Variants in ASTN2 observed in about 807,000 individuals in gnomAD.
ASTN2 encodes astrotactin 2.
A neutral mutation model predicts 139.8 loss-of-function variants in ASTN2; 54 were observed. The ratio of observed to expected loss-of-function variants is 0.39; its 90% CI spans 0.31 to 0.48. ASTN2 has a LOEUF of 0.48. ASTN2 is among the 20% of genes least tolerant of loss of function. ASTN2 has a pLI of 0.95. For synonymous variants in ASTN2, 756 were observed against 719.5 expected (o/e 1.05, Z -0.81); for missense variants, 1,565 against 1,725.1 (o/e 0.91, Z 1.64).
chr9:116,959,870 T>C (rs1477537711), intron 10 of ASTN2, among the ~76,000 whole-genome samples: 1 of 152,056 alleles, frequency 6.6e-6, no homozygotes, highest in Non-Finnish European at 1.5e-5. Flanking sequence ...TTCCGGAGAA[T>C]ACATCCTTTC....
intron 19 of ASTN2, among the ~76,000 whole-genome samples, chr9:116,513,638 T>A (rs541181604): frequency 1.1e-4 from 17 of 152,304 alleles, no homozygotes; most frequent in South Asian, 2.1e-4. Flanking sequence ...CAGGTACACC[T>A]ATCAGACGTA....
intron 3 of ASTN2, among the ~76,000 whole-genome samples, chr9:117,174,057 G>T (rs994472315): frequency 6.6e-6 from 1 of 151,224 alleles, no homozygotes; most frequent in African/African-American, 2.4e-5. Context: ...AAAATCTCTG[G>T]AATTAAAATG....
chr9:117,079,363 TGAGA>T (rs1354684348), intron 5 of ASTN2, among the ~76,000 whole-genome samples: 5 of 151,228 alleles, frequency 3.3e-5, no homozygotes, highest in Non-Finnish European at 7.4e-5. Context: ...CGAGAGAGAG[TGAGA>T]GAGAGACAGG....
chr9:116,979,555 A>G (rs1753904138), intron 7 of ASTN2, among the ~76,000 whole-genome samples: 1 of 152,166 alleles, frequency 6.6e-6, no homozygotes, highest in Non-Finnish European at 1.5e-5. Flanking sequence ...TTAAAATGCA[A>G]CAGTCCCTTC....
At chr9:116,726,789 C>T (rs532179012) in intron 15 of ASTN2, among the ~76,000 whole-genome samples, 2 of 152,232 alleles carry the variant, frequency 1.3e-5, no homozygotes, top group African/African-American at 4.8e-5. Context: ...TCTCCTTCCT[C>T]AAACAGGCAC....
chr9:117,312,154 T>C (rs1827992865), intron 1 of ASTN2, among the ~76,000 whole-genome samples: 1 of 152,152 alleles, frequency 6.6e-6, no homozygotes, highest in African/African-American at 2.4e-5. Flanking sequence ...ATGCCCTTCT[T>C]CCCCCCAGAG....
chr9:116,935,698 TCTGTGTCAGTTTCCTCAA>T (rs1835047558), intron 10 of ASTN2, among the ~76,000 whole-genome samples: 1 of 152,212 alleles, frequency 6.6e-6, no homozygotes, highest in Non-Finnish European at 1.5e-5. Context: ...ACGTCACCTC[TCTGTGTCAGTTTCCTCAA>T]CTGCAAGATA....
intron 1 of ASTN2, among the ~76,000 whole-genome samples, chr9:117,310,863 A>ATCT (rs1236382712): frequency 1.3e-5 from 2 of 152,110 alleles, no homozygotes; most frequent in African/African-American, 4.8e-5. Flanking sequence ...GGCTCAAGCA[A>ATCT]TCTTCCCGCC....
At chr9:117,161,646 G>A (rs1042338684) in intron 3 of ASTN2, among the ~76,000 whole-genome samples, 4 of 151,934 alleles carry the variant, frequency 2.6e-5, no homozygotes, top group Non-Finnish European at 5.9e-5. Context: ...TGCCCACCTT[G>A]GCCTCTCAAA....
chr9:116,758,062 T>C lies in ASTN2; in HGVS notation c.2397-24539A>G, dbSNP rs1378606705. On this transcript the variant is annotated intron_variant, in intron 13 of 22. Transcript: ENST00000313400. ...CCTGAGAGATCAAAATCTAGTCCAG[T>C]CCCTCCACTGTGCCTCAGTTTCCTC... is the stretch of plus-strand genomic sequence containing the variant. Among the ~76,000 whole-genome samples the C allele has an allele frequency of 3.3e-5, 5 of 152,176 alleles. No homozygotes were observed. In the East Asian group the frequency reaches 7.8e-4, roughly 24 times the overall value.
intron 3 of ASTN2, among the ~76,000 whole-genome samples, chr9:117,154,216 A>G (rs568951764): frequency 8.5e-5 from 13 of 152,226 alleles, no homozygotes; most frequent in African/African-American, 3.1e-4. Flanking sequence ...CTAAATATAT[A>G]GACAATAATG....
intron 4 of ASTN2, among the ~76,000 whole-genome samples, chr9:117,123,432 C>T (rs1051005568): frequency 6.6e-6 from 1 of 152,024 alleles, no homozygotes; most frequent in Non-Finnish European, 1.5e-5. Context: ...GTGGGTCTTG[C>T]CTCGTGAGCC....
intron 1 of ASTN2, among the ~76,000 whole-genome samples, chr9:117,342,143 T>G (rs1386715098): frequency 6.6e-6 from 1 of 152,172 alleles, no homozygotes; most frequent in Admixed American, 6.5e-5. Flanking sequence ...ATTCATTAAC[T>G]GTTGTTAACG....
chr9:117,080,975 G>C (rs987217240), intron 5 of ASTN2, among the ~76,000 whole-genome samples: 1 of 152,148 alleles, frequency 6.6e-6, no homozygotes, highest in Non-Finnish European at 1.5e-5. Flanking sequence ...GAGAGCCAAG[G>C]GGACTTTCCC....
At chr9:116,961,138 C>T (rs939947533) in intron 10 of ASTN2, among the ~76,000 whole-genome samples, 8 of 152,106 alleles carry the variant, frequency 5.3e-5, no homozygotes, top group African/African-American at 1.9e-4. Flanking sequence ...GCCATGCACC[C>T]TTCCCCCAAA....
chr9:116,921,586 TAAAAAAAAAA>T (rs11371651), intron 10 of ASTN2, among the ~76,000 whole-genome samples: 1 of 112,960 alleles, frequency 8.9e-6, no homozygotes, highest in South Asian at 3.3e-4. Flanking sequence ...AGACTCCGTC[TAAAAAAAAAA>T]AAAAAAAAAA....
intron 3 of ASTN2, among the ~76,000 whole-genome samples, chr9:117,201,015 T>C (rs1296575904): frequency 6.8e-6 from 1 of 146,718 alleles, no homozygotes. Context: ...TTTTTTTTTT[T>C]GGTTGGTTGG....
At chr9:117,353,781 A>T (rs1443162537) in intron 1 of ASTN2, among the ~76,000 whole-genome samples, 1 of 152,114 alleles carries the variant, frequency 6.6e-6, no homozygotes. Context: ...GCATATTACT[A>T]AGTGAAAGAA....
rs565918904 is a variant in ASTN2, at chr9:116,513,434, T to A, written c.3356-25934A>T. 1.2e-4 allele frequency among the ~76,000 whole-genome samples: 19 copies of A among 152,292 alleles called. No individual in the cohort carries two copies. The South Asian group carries it at 4.0e-3, about 32-fold the overall frequency. On this transcript the variant is annotated intron_variant, in intron 19 of 22. Transcript: ENST00000313400. ...CCTTTCTCTCTGACTGCCCTTAACA[T>A]TTTTTCCTTCATTTCAACTTTGGTG...
Sources: gnomAD v4.1 joint callset for allele counts (sites outside exome capture counted in the v4.1 genomes callset) on GRCh38, gnomAD v4.1.1 for gene constraint, MANE v1.5 for transcripts, NCBI Gene and HGNC (gene_info 2026-07-23, HGNC 2026-07-21) for gene names.